The following UNC13C variants were observed in gnomAD, a reference collection of about 807,000 sequenced individuals.
UNC13C encodes unc-13 homolog C.
A neutral mutation model predicts 245.4 loss-of-function variants in UNC13C; 174 were observed. The observed-to-expected ratio is 0.71, with a 90% confidence interval of 0.63 to 0.80. The LOEUF is 0.80. Ranked by LOEUF, UNC13C falls within the 30% of genes least tolerant of loss-of-function variation. The pLI, the probability that UNC13C is intolerant of heterozygous loss-of-function variation, is 0.00. For synonymous variants in UNC13C, 992 were observed against 895.1 expected, an observed-to-expected ratio of 1.11 and a Z score of -1.93; for missense variants, 2,829 against 2,602.9, an observed-to-expected ratio of 1.09 and a Z score of -1.89.
chr15:54,420,469 C>T (rs574362283), intron 19 of UNC13C, among the ~76,000 whole-genome samples: 2 of 151,918 alleles, frequency 1.3e-5, no homozygotes, highest in African/African-American at 4.8e-5. Flanking sequence ...TACAATATCT[C>T]GTTGGTCGCA....
intron 18 of UNC13C, among the ~76,000 whole-genome samples, chr15:54,406,359 G>A (rs993229882): frequency 1.3e-5 from 2 of 152,010 alleles, no homozygotes; most frequent in African/African-American, 4.8e-5. Context: ...CTCACATAAG[G>A]ATCTTATTTC....
At chr15:54,525,430 AGAG>A in intron 24 of UNC13C, 116 bp from the exon 25 acceptor site, 3 of 574,056 alleles carry the variant, frequency 5.2e-6, no homozygotes, top group Non-Finnish European at 2.8e-6. Context: ...AAAAAAAAGA[AGAG>A]AAAAAAGCTT....
intron 13 of UNC13C, among the ~76,000 whole-genome samples, chr15:54,320,297 C>T (rs985463385): frequency 1.3e-5 from 2 of 152,058 alleles, no homozygotes; most frequent in South Asian, 2.1e-4. Flanking sequence ...AGTTGCTTTC[C>T]GATGGTGCTA....
In UNC13C at chr15:54,088,865, T is replaced by A. The variant is rs185850721; in HGVS notation, c.2984-54153T>A. ...TCTTCCAGTGATGCAGGATGTAGAA[T>A]TTGAGGAGGAGGAAAACCTAATTTT... On this transcript the variant is annotated intron_variant, in intron 2 of 32. Transcript: ENST00000260323. Among the ~76,000 whole-genome samples the A allele has an allele frequency of 1.2e-4, 18 of 152,334 alleles. 1 individual carries two copies. The East Asian group carries it at 3.3e-3, about 28-fold the overall frequency.
the UNC13C span, among the ~76,000 whole-genome samples, chr15:53,877,678 T>A: frequency 0.36 from 54,621 of 151,864 alleles, 9,961 homozygotes; most frequent in Admixed American, 0.4. Context: ...CATGTTGAGG[T>A]TAAGTGTATG....
At chr15:54,297,714 CGTTTTTTT>C (rs971565472) in intron 11 of UNC13C, 89 bp from the exon 12 acceptor site, 18 of 860,104 alleles carry the variant, frequency 2.1e-5, no homozygotes, top group Admixed American at 5.0e-5. Flanking sequence ...CTACTTAAGC[CGTTTTTTT>C]GTTTTTTTGT....
chr15:54,050,511 T>G, intron 2 of UNC13C: 1 of 510,800 alleles, frequency 2.0e-6, no homozygotes. Context: ...CTTCTCCAAT[T>G]GTAACTAATG....
chr15:53,984,450 AG>A (rs1370859151), intron 1 of UNC13C, among the ~76,000 whole-genome samples: 1 of 152,160 alleles, frequency 6.6e-6, no homozygotes, highest in East Asian at 1.9e-4. Flanking sequence ...ACTTTTTAAA[AG>A]CCTTAGCTAG....
intron 30 of UNC13C, among the ~76,000 whole-genome samples, chr15:54,613,061 C>T (rs73403857): frequency 1.3e-5 from 2 of 151,602 alleles, no homozygotes; most frequent in African/African-American, 4.8e-5. Flanking sequence ...GACTTCTAAA[C>T]AATTTTAGAA....
intron 4 of UNC13C, among the ~76,000 whole-genome samples, chr15:54,205,229 C>CAG (rs757362919): frequency 0.081 from 12,361 of 151,814 alleles, 680 homozygotes; most frequent in African/African-American, 0.15. Flanking sequence ...ACATCCACTC[C>CAG]TCTCCCATTT....
At chr15:53,946,442 CTT>C in the UNC13C span, among the ~76,000 whole-genome samples, 1 of 68,950 alleles carries the variant, frequency 1.5e-5, no homozygotes, top group African/African-American at 4.4e-5. Context: ...CTGAGGTGTT[CTT>C]TTTTTTGTTT....
the UNC13C span, among the ~76,000 whole-genome samples, chr15:53,863,419 T>A: frequency 6.6e-6 from 1 of 152,328 alleles, no homozygotes; most frequent in Non-Finnish European, 1.5e-5. Flanking sequence ...AACTTTGTGA[T>A]ACAAATCAAA....
At chr15:53,997,173 G>C (rs575056801) in intron 1 of UNC13C, among the ~76,000 whole-genome samples, 29 of 152,226 alleles carry the variant, frequency 1.9e-4, no homozygotes, top group Admixed American at 1.9e-3. Context: ...TAATGCTGTA[G>C]AGTACAGTTT....
intron 19 of UNC13C, among the ~76,000 whole-genome samples, chr15:54,477,810 G>A (rs1239563939): frequency 6.6e-6 from 1 of 150,628 alleles, no homozygotes; most frequent in African/African-American, 2.4e-5. Context: ...GTATCAGGAT[G>A]ATGCTGGCCT....
At position 54,293,865 on chromosome 15, in the gene UNC13C, T is replaced by G. The variant is rs1199317162; in HGVS notation, c.3819-30T>G. The stretch of plus-strand genomic sequence containing the variant: ...AATGGAATTTAGAGCAGTTTTCAAT[T>G]GTTGTTAACTTATCCACATTTATTT... On this transcript the variant is annotated intron_variant, in intron 10 of 32. Coordinates refer to ENST00000260323, the MANE Select transcript of UNC13C (RefSeq NM_001080534.3). 6 of 1,483,294 alleles carry G rather than the reference T, an allele frequency of 4.0e-6. No individual in the cohort carries two copies. The African/African-American group carries it at 8.7e-5, about 21-fold the overall frequency. The allele number at this position is 1,483,294 out of a possible 1,614,324, so 91.9% of individuals were successfully genotyped here.
At chr15:54,048,804 T>G (rs1452763964) in intron 2 of UNC13C, 2 of 244,790 alleles carry the variant, frequency 8.2e-6, no homozygotes, top group East Asian at 2.4e-4. Flanking sequence ...TATAGTTACC[T>G]GATTTCCAAC....
chr15:54,489,998 G>A (rs1893621763), intron 19 of UNC13C, among the ~76,000 whole-genome samples: 1 of 152,130 alleles, frequency 6.6e-6, no homozygotes. Context: ...GGCAGAATGG[G>A]CAAACAGATA....
At chr15:54,264,454 A>C in intron 9 of UNC13C, 59 bp downstream of exon 9, 2 of 1,233,006 alleles carry the variant, frequency 1.6e-6, no homozygotes, top group South Asian at 1.4e-5. Context: ...TGTGCCCTAG[A>C]AATAACTGCT....
intron 2 of UNC13C, among the ~76,000 whole-genome samples, chr15:54,041,655 T>A (rs1474391311): frequency 6.6e-6 from 1 of 152,294 alleles, no homozygotes; most frequent in African/African-American, 2.4e-5. Flanking sequence ...TTGTGTGACA[T>A]TGGCCAAGTT....
Sources: allele counts gnomAD v4.1 joint callset (sites outside exome capture counted in the v4.1 genomes callset), GRCh38; gene constraint gnomAD v4.1.1; transcripts MANE v1.5; gene names NCBI Gene and HGNC (gene_info 2026-07-23, HGNC 2026-07-21).